Variants in SLC35D4 observed in about 807,000 individuals in gnomAD.
The protein encoded by SLC35D4 is UDP-N-acetylglucosamine transporter SLC35D4.
the SLC35D4 span, among the ~76,000 whole-genome samples, chr18:23,322,425 A>T: frequency 6.6e-6 from 1 of 152,244 alleles, no homozygotes; most frequent in Non-Finnish European, 1.5e-5. Context: ...CAAAACTCTG[A>T]ACTCTTTAAC....
chr18:23,255,981 C>T, the SLC35D4 span, among the ~76,000 whole-genome samples: 1 of 152,150 alleles, frequency 6.6e-6, no homozygotes, highest in Non-Finnish European at 1.5e-5. Context: ...TTCAAGGTGC[C>T]TCTATCACCT....
At chr18:23,348,736 T>A in the SLC35D4 span, among the ~76,000 whole-genome samples, 4 of 152,242 alleles carry the variant, frequency 2.6e-5, no homozygotes, top group African/African-American at 9.6e-5. Context: ...CTTTAAGGTA[T>A]AACTGTTATA....
chr18:23,325,913 T>G, the SLC35D4 span, among the ~76,000 whole-genome samples: 1 of 152,238 alleles, frequency 6.6e-6, no homozygotes, highest in Non-Finnish European at 1.5e-5. Context: ...CAGTGGCTAC[T>G]TTTCATAAAG....
chr18:23,314,490 C>T, the SLC35D4 span, among the ~76,000 whole-genome samples: 4 of 152,208 alleles, frequency 2.6e-5, no homozygotes, highest in Non-Finnish European at 4.4e-5. Flanking sequence ...TCTGACACCA[C>T]CTTCAATGAG....
chr18:23,241,346 C>T, the SLC35D4 span, among the ~76,000 whole-genome samples: 144 of 152,040 alleles, frequency 9.5e-4, no homozygotes, highest in Non-Finnish European at 1.7e-3. Flanking sequence ...GCCTGGCTAA[C>T]GTGATGAAAC....
At chr18:23,243,474 T>TTG in the SLC35D4 span, among the ~76,000 whole-genome samples, 623 of 150,532 alleles carry the variant, frequency 4.1e-3, 8 homozygotes, top group African/African-American at 0.014. Flanking sequence ...TGGTGTTTTT[T>TTG]TTTTTTTTTT....
At chr18:23,290,680 G>A in the SLC35D4 span, among the ~76,000 whole-genome samples, 1 of 150,542 alleles carries the variant, frequency 6.6e-6, no homozygotes, top group African/African-American at 2.5e-5. Flanking sequence ...ACGCTGGAGT[G>A]CAATGGCGCA....
chr18:23,404,096 G>A, the SLC35D4 span, among the ~76,000 whole-genome samples: 6 of 152,226 alleles, frequency 3.9e-5, no homozygotes, highest in African/African-American at 1.2e-4. Flanking sequence ...CCAGCCTGGC[G>A]ATAGAGCAAG....
the SLC35D4 span, among the ~76,000 whole-genome samples, chr18:23,373,925 G>A: frequency 6.6e-6 from 1 of 152,182 alleles, no homozygotes; most frequent in Non-Finnish European, 1.5e-5. Context: ...GACTACCTGT[G>A]TAGTTTTCAA....
chr18:23,277,301 T>C, the SLC35D4 span, among the ~76,000 whole-genome samples: 1 of 151,942 alleles, frequency 6.6e-6, no homozygotes, highest in Non-Finnish European at 1.5e-5. Context: ...CTGATGGTAT[T>C]ATCAGAGGTT....
the SLC35D4 span, among the ~76,000 whole-genome samples, chr18:23,415,609 C>T: frequency 6.6e-6 from 1 of 152,172 alleles, no homozygotes; most frequent in Non-Finnish European, 1.5e-5. Context: ...CGGGTCACAA[C>T]GTTCTTTTAG....
At chr18:23,338,015 G>A in the SLC35D4 span, among the ~76,000 whole-genome samples, 1 of 152,212 alleles carries the variant, frequency 6.6e-6, no homozygotes, top group Admixed American at 6.5e-5. Flanking sequence ...CCCACAAGGA[G>A]GCGTTGTTAT....
chr18:23,342,702 G>A, the SLC35D4 span, among the ~76,000 whole-genome samples: 2 of 152,092 alleles, frequency 1.3e-5, no homozygotes, highest in Non-Finnish European at 2.9e-5. Flanking sequence ...GAATGTTCTG[G>A]TTTCTCCACA....
chr18:23,360,491 C>T, the SLC35D4 span, among the ~76,000 whole-genome samples: 37 of 152,282 alleles, frequency 2.4e-4, no homozygotes, highest in African/African-American at 7.2e-4. Context: ...ATGAATGAAT[C>T]TCTAAACATT....
chr18:23,273,590 G>A, the SLC35D4 span, among the ~76,000 whole-genome samples: 2 of 151,492 alleles, frequency 1.3e-5, no homozygotes, highest in South Asian at 2.1e-4. Flanking sequence ...GAATGCAATC[G>A]CCCTGTTCTG....
the SLC35D4 span, among the ~76,000 whole-genome samples, chr18:23,413,604 C>T: frequency 6.6e-6 from 1 of 152,076 alleles, no homozygotes; most frequent in Non-Finnish European, 1.5e-5. Flanking sequence ...GCAGGAAAAG[C>T]ACAGAACAGA....
At chr18:23,273,377 C>G in the SLC35D4 span, among the ~76,000 whole-genome samples, 6 of 152,196 alleles carry the variant, frequency 3.9e-5, no homozygotes, top group Admixed American at 3.9e-4. Context: ...TGAATGAGCT[C>G]ACCTGACAGC....
the SLC35D4 span, among the ~76,000 whole-genome samples, chr18:23,349,794 GTTA>G: frequency 9.1e-6 from 1 of 109,550 alleles, no homozygotes; most frequent in Non-Finnish European, 2.0e-5. Flanking sequence ...TTTCAGTTCA[GTTA>G]TTGTACTTTT....
chr18:23,328,304 C>G, the SLC35D4 span, among the ~76,000 whole-genome samples: 1 of 152,082 alleles, frequency 6.6e-6, no homozygotes, highest in Non-Finnish European at 1.5e-5. Flanking sequence ...TTTAGAAAAC[C>G]CCATTGTCTC....
Sources: allele counts gnomAD v4.1 joint callset (sites outside exome capture counted in the v4.1 genomes callset), GRCh38; gene constraint gnomAD v4.1.1; transcripts MANE v1.5; gene names NCBI Gene and HGNC (gene_info 2026-07-23, HGNC 2026-07-21).